The following ARL9 variants were observed in gnomAD, a reference collection of about 807,000 sequenced individuals.
ARL9 encodes the protein ARF like GTPase 9.
Under a neutral mutation model 27.0 loss-of-function variants are expected in ARL9, and 14 were observed. The observed-to-expected ratio is 0.52, with a 90% CI of 0.34 to 0.81. The LOEUF is 0.81. Ranked by LOEUF, ARL9 falls within the 30% of genes least tolerant of loss-of-function variation. The pLI, the probability that ARL9 is intolerant of heterozygous loss-of-function variation, is 0.01. For missense variants in ARL9, 294 were observed against 290.0 expected, an observed-to-expected ratio of 1.01 and a Z score of -0.10; for synonymous variants, 106 against 108.7, an observed-to-expected ratio of 0.98 and a Z score of 0.15.
intron 2 of ARL9, among the ~76,000 whole-genome samples, chr4:56,512,278 AT>A (rs1273721216): frequency 6.6e-6 from 1 of 152,160 alleles, no homozygotes; most frequent in Admixed American, 6.5e-5. Flanking sequence ...TCATTTGCTA[AT>A]TTAAAACTCT....
At chr4:56,518,967 T>C in intron 3 of ARL9, 114 bp downstream of exon 3, 1 of 1,054,848 alleles carries the variant, frequency 9.5e-7, no homozygotes, top group Non-Finnish European at 1.3e-6. Context: ...AGTTTATGTT[T>C]ATTAGAGCTC....
At chr4:56,506,520 C>A in intron 1 of ARL9, 1 of 686,136 alleles carries the variant, frequency 1.5e-6, no homozygotes. Flanking sequence ...CCGAACCCTC[C>A]CCACACGCAG....
At chr4:56,522,330 G>C (rs1159191509) in intron 3 of ARL9, among the ~76,000 whole-genome samples, 7 of 151,538 alleles carry the variant, frequency 4.6e-5, no homozygotes, top group Non-Finnish European at 8.8e-5. Flanking sequence ...CTGAGGCAGG[G>C]GAATCGCTTG....
chr4:56,511,025 G>A (rs748136184), intron 1 of ARL9, among the ~76,000 whole-genome samples, 160 bp from the exon 2 acceptor site: 5 of 152,008 alleles, frequency 3.3e-5, no homozygotes, highest in Non-Finnish European at 7.4e-5. Flanking sequence ...CTCCTGCCTC[G>A]GCCTCCCAAA....
chr4:56,509,169 C>G (rs570334733), intron 1 of ARL9, among the ~76,000 whole-genome samples: 2 of 151,554 alleles, frequency 1.3e-5, no homozygotes, highest in African/African-American at 4.8e-5. Flanking sequence ...AAGGCTAATA[C>G]GTTGATAGAA....
chr4:56,509,413 T>C (rs1478873092), intron 1 of ARL9, among the ~76,000 whole-genome samples: 3 of 151,984 alleles, frequency 2.0e-5, no homozygotes, highest in African/African-American at 4.8e-5. Flanking sequence ...ATAGCCAGGC[T>C]GGTTCCAAAC....
intron 3 of ARL9, among the ~76,000 whole-genome samples, chr4:56,520,239 G>A (rs971066322): frequency 6.6e-6 from 1 of 152,178 alleles, no homozygotes; most frequent in East Asian, 1.9e-4. Context: ...TTGGCCTCAA[G>A]TGATCCACCC....
intron 1 of ARL9, among the ~76,000 whole-genome samples, chr4:56,507,242 G>A (rs1222164199): frequency 6.6e-6 from 1 of 152,196 alleles, no homozygotes; most frequent in Non-Finnish European, 1.5e-5. Flanking sequence ...GTAAATGTGA[G>A]GAAGCCTGAA....
chr4:56,505,721 G>A, upstream of ARL9: 8 of 1,353,910 alleles, frequency 5.9e-6, no homozygotes, highest in Non-Finnish European at 6.7e-6. Context: ...GCGGTGCCGG[G>A]GTTGGCAGCG....
chr4:56,509,201 C>CTTTTCTT (rs1553949438), intron 1 of ARL9, among the ~76,000 whole-genome samples: 6 of 133,410 alleles, frequency 4.5e-5, no homozygotes, highest in African/African-American at 1.1e-4. Context: ...TTTTCTTTTT[C>CTTTTCTT]TTTTTTTTGT....
chr4:56,512,538 C>CT lies in ARL9; in HGVS notation c.442+1210dup, dbSNP rs34744797. ...ACATGGCCCCACAAAATCAATCATT[C>CT]TTTTTTTTTTTTTTTTTTTGAGACA... On this transcript the variant is annotated intron_variant, in intron 2 of 3. Coordinates refer to ENST00000640821, the MANE Select transcript of ARL9 (RefSeq NM_001363794.2). Among the ~76,000 whole-genome samples the CT allele has an allele frequency of 7.7e-3, 1,003 of 130,050 alleles. 9 individuals are homozygous for CT. The highest frequency in any genetic ancestry group is 0.019 in the African/African-American group (645 of 34,400). The allele number at this position is 130,050 out of a possible 152,430, so 85.3% of individuals were successfully genotyped here. A position where few individuals can be genotyped will look rare whatever the true frequency, so the allele number is the denominator to read the frequency against.
In ARL9 at chr4:56,519,589, G is replaced by A. The variant is rs994143708; in HGVS notation, c.618+736G>A. Reference sequence around the variant, plus strand: ...CGCGCCACTGCACTCCAGCCTGGGCGACAGGCTCAAAAAAAAAATCAAAAT... The same window carrying A: ...CGCGCCACTGCACTCCAGCCTGGGCAACAGGCTCAAAAAAAAAATCAAAAT... On this transcript the variant is annotated intron_variant, in intron 3 of 3. Coordinates refer to ENST00000640821, the MANE Select transcript of ARL9 (RefSeq NM_001363794.2). Among the ~76,000 whole-genome samples the A allele has an allele frequency of 7.9e-5, 12 of 151,818 alleles. No homozygotes were observed. The East Asian group carries it at 1.9e-3, about 25-fold the overall frequency.
chr4:56,524,093 G>T lies in ARL9; in HGVS notation c.*217G>T. The stretch of plus-strand genomic sequence containing the variant: ...ACATTCAAAAAGTAAACCCACTGAA[G>T]AATAATAACACAACAATAAAAATAA... On this transcript the variant is annotated 3_prime_UTR_variant, in exon 4 of 4. Coordinates refer to ENST00000640821, the MANE Select transcript of ARL9 (RefSeq NM_001363794.2). The T allele has an allele frequency of 2.3e-6, 1 of 441,814 alleles. No individual in the cohort carries two copies. The highest frequency in any genetic ancestry group is 6.4e-5 in the South Asian group (1 of 15,570). 27.4% of individuals were successfully genotyped at this position (441,814 alleles called of 1,614,324 possible).
At chr4:56,506,527 G>T in intron 1 of ARL9, 2 of 750,084 alleles carry the variant, frequency 2.7e-6, no homozygotes, top group Non-Finnish European at 3.3e-6. Context: ...CTCCCCACAC[G>T]CAGGCCCTCT....
intron 1 of ARL9, chr4:56,506,611 G>A (rs1721469803): frequency 1.0e-6 from 1 of 985,272 alleles, no homozygotes; most frequent in Admixed American, 6.1e-5. Flanking sequence ...CGCTGCAGTT[G>A]TTTTCAGACC....
chr4:56,523,660 C>A (rs372518005), intron 3 of ARL9, 37 bp from the exon 4 acceptor site: 49 of 1,546,214 alleles, frequency 3.2e-5, no homozygotes, highest in Non-Finnish European at 4.0e-5. Context: ...TGCAAAATAA[C>A]CAACTTTGTC....
At chr4:56,511,792 C>A (rs973403184) in intron 2 of ARL9, among the ~76,000 whole-genome samples, 1 of 152,134 alleles carries the variant, frequency 6.6e-6, no homozygotes, top group Non-Finnish European at 1.5e-5. Flanking sequence ...ATTACTGTCT[C>A]CTGAAGTTGG....
At chr4:56,508,837 C>A (rs1721541826) in intron 1 of ARL9, among the ~76,000 whole-genome samples, 1 of 152,174 alleles carries the variant, frequency 6.6e-6, no homozygotes, top group Non-Finnish European at 1.5e-5. Context: ...TGTTTAAGAT[C>A]ACTTTTTTCT....
At chr4:56,509,511 T>C (rs1721569279) in intron 1 of ARL9, among the ~76,000 whole-genome samples, 1 of 151,904 alleles carries the variant, frequency 6.6e-6, no homozygotes, top group South Asian at 2.1e-4. Flanking sequence ...AGAATGCTTC[T>C]TTCTAAGTTT....
Sources: gnomAD v4.1 joint callset for allele counts (sites outside exome capture counted in the v4.1 genomes callset) on GRCh38, gnomAD v4.1.1 for gene constraint, MANE v1.5 for transcripts, NCBI Gene and HGNC (gene_info 2026-07-23, HGNC 2026-07-21) for gene names.